Variants in FAT4 observed in about 807,000 individuals in gnomAD.
FAT4 encodes the protein protocadherin Fat 4.
In FAT4, 84 loss-of-function variants were observed where a neutral mutation model predicts 303.9. That is an observed-to-expected ratio of 0.28 (90% CI 0.23 to 0.33). The LOEUF (loss-of-function observed/expected upper bound fraction) is 0.33, where lower values mean the gene tolerates loss of function less well. Among genes scored for constraint, FAT4 ranks in the 10% least tolerant of loss-of-function variants. The pLI is 1.00. For missense variants in FAT4, 6,005 were observed against 6,146.8 expected (o/e 0.98, Z 0.77); for synonymous variants, 2,307 against 2,298.8 (o/e 1.00, Z -0.10).
intron 2 of FAT4, among the ~76,000 whole-genome samples, chr4:125,345,858 C>T (rs891703454): frequency 2.6e-5 from 4 of 151,986 alleles, no homozygotes; most frequent in African/African-American, 9.7e-5. Context: ...CCAAAGAGAA[C>T]GGTATTAGTG....
intron 16 of FAT4, among the ~76,000 whole-genome samples, chr4:125,486,022 T>A (rs1168366563): frequency 6.6e-6 from 1 of 152,182 alleles, no homozygotes. Context: ...TAATGGGAAC[T>A]TATATTCTTA....
intron 8 of FAT4, among the ~76,000 whole-genome samples, chr4:125,441,764 T>C (rs1408852937): frequency 6.6e-6 from 1 of 152,160 alleles, no homozygotes; most frequent in South Asian, 2.1e-4. Flanking sequence ...ACCCCATAAA[T>C]GGCCCCAGCT....
In FAT4 at chr4:125,452,201, C is replaced by A; in HGVS notation, c.11191C>A (p.His3731Asn). ...VPTVKDFLTN[H>N]YLHFLRIASS... Reference sequence around the variant, plus strand: ...AACAGTAAAGGACTTCTTGACCAACCACTATCTTCATTTTTTACGCATTGC... The same window carrying A: ...AACAGTAAAGGACTTCTTGACCAACAACTATCTTCATTTTTTACGCATTGC... The change falls in exon 10 of 18, where the codon CAC becomes AAC. Residue 3731 changes from histidine (H) to asparagine (N), a missense_variant. His to Asn is a moderately conservative substitution (Grantham distance 68). Transcript: ENST00000394329. The A allele has an allele frequency of 6.2e-7, 1 of 1,614,216 alleles. No homozygotes were observed. Among genetic ancestry groups the A allele is most frequent in the African/African-American group, 1.3e-5 (1 of 75,070 alleles).
At chr4:125,489,869 G>GT in intron 17 of FAT4, 32 bp from the exon 18 acceptor site, 2 of 224,584 alleles carry the variant, frequency 8.9e-6, no homozygotes, top group Non-Finnish European at 6.2e-6. Context: ...TTTTTTTTTT[G>GT]TAAAAAGCCT....
At chr4:125,337,680 T>C (rs372738920) in intron 2 of FAT4, among the ~76,000 whole-genome samples, 4 of 152,078 alleles carry the variant, frequency 2.6e-5, no homozygotes, top group African/African-American at 9.7e-5. Flanking sequence ...TATAATTATA[T>C]GGAGGTTGCT....
chr4:125,316,311 T>C lies in FAT4; in HGVS notation c.-12-89T>C, dbSNP rs544718440. ...ATAGCAGAGGTCTCAGACCAAGCCG[T>C]CAGCTGAATCTTTGCTGGCGCTCCT... On this transcript the variant is annotated intron_variant, in intron 1 of 17. Transcript: ENST00000394329. This position sits in a 1 kb window ranked among gnomAD's most constrained non-coding sequence, Gnocchi z 5.7. The C allele has an allele frequency of 1.9e-5, 28 of 1,458,398 alleles. No individual in the cohort carries two copies. Among genetic ancestry groups the C allele is most frequent in the Admixed American group, 2.3e-5 (1 of 44,424 alleles). The allele number at this position is 1,458,398 out of a possible 1,614,324, so 90.3% of individuals were successfully genotyped here.
intron 11 of FAT4, among the ~76,000 whole-genome samples, chr4:125,464,165 C>T (rs1393587396): frequency 6.6e-6 from 1 of 152,030 alleles, no homozygotes; most frequent in Non-Finnish European, 1.5e-5. Flanking sequence ...CTATACCTGA[C>T]GTTTTCATAA....
At chr4:125,385,950 A>G (rs747195616) in intron 2 of FAT4, among the ~76,000 whole-genome samples, 12 of 152,192 alleles carry the variant, frequency 7.9e-5, no homozygotes, top group Non-Finnish European at 1.5e-4. Flanking sequence ...ATCTTATTAA[A>G]GAAAATTTAT....
At chr4:125,361,536 TC>T (rs1341236167) in intron 2 of FAT4, among the ~76,000 whole-genome samples, 3 of 152,126 alleles carry the variant, frequency 2.0e-5, no homozygotes, top group Non-Finnish European at 4.4e-5. Context: ...TCATTCAAAC[TC>T]TGCAACCTTG....
chr4:125,383,883 G>T (rs77563207), intron 2 of FAT4, among the ~76,000 whole-genome samples: 9,697 of 152,108 alleles, frequency 0.064, 306 homozygotes, highest in Middle Eastern at 0.088. Context: ...TTTTTATTAA[G>T]CAAAATGTGA....
Position 125,319,396 on chromosome 4 carries a change from G to A in FAT4, c.2985G>A (p.Val995=), listed in dbSNP as rs201226727. ...YVHDVNDNSP[V]FDQLSYEVTL... is the part of the protein sequence containing the mutation. ...ATGATGTAAATGACAATTCACCAGT[G>A]TTTGACCAACTCTCTTATGAAGTCA... Residue 995 remains valine, a synonymous_variant, in exon 2 of 18, where the codon GTG becomes GTA. Coordinates refer to ENST00000394329, the MANE Select transcript of FAT4 (RefSeq NM_001291303.3). 121 of 1,613,228 alleles carry A rather than the reference G, an allele frequency of 7.5e-5. No homozygotes were observed. Among genetic ancestry groups the A allele is most frequent in the Non-Finnish European group, 8.3e-5 (98 of 1,179,840 alleles).
At chr4:125,339,517 A>C (rs562819539) in intron 2 of FAT4, among the ~76,000 whole-genome samples, 23 of 152,284 alleles carry the variant, frequency 1.5e-4, no homozygotes, top group African/African-American at 5.5e-4. Flanking sequence ...TTCTATGGTA[A>C]TAGTTATTAA....
intron 12 of FAT4, among the ~76,000 whole-genome samples, chr4:125,474,400 A>G (rs940509849): frequency 6.6e-6 from 1 of 151,968 alleles, no homozygotes; most frequent in Non-Finnish European, 1.5e-5. Context: ...TTGAGATTGG[A>G]TGTCACCGCA....
rs567766437 is a variant in FAT4, at chr4:125,492,034, T to C, written c.*266T>C. On this transcript the variant is annotated 3_prime_UTR_variant, in exon 18 of 18. Transcript: ENST00000394329. Reference sequence around the variant, plus strand: ...CATGCAGCATTTGGAAAATTTTTCTTATTTACCAGTGTTTGATTTGTGATT... The same window carrying C: ...CATGCAGCATTTGGAAAATTTTTCTCATTTACCAGTGTTTGATTTGTGATT... The C allele has an allele frequency of 2.6e-6, 1 of 391,458 alleles. No homozygotes were observed. The highest frequency in any genetic ancestry group is 4.2e-5 in the Admixed American group (1 of 23,766). 24.2% of individuals were successfully genotyped at this position (391,458 alleles called of 1,614,324 possible). A position where few individuals can be genotyped will look rare whatever the true frequency, so the allele number is the denominator to read the frequency against.
Position 125,443,654 on chromosome 4 carries a change from A to G in FAT4, c.7200-2639A>G, listed in dbSNP as rs187730656. Among the ~76,000 whole-genome samples the G allele has an allele frequency of 4.6e-5, 7 of 152,318 alleles. No homozygotes were observed. In the East Asian group the frequency reaches 1.2e-3, roughly 25 times the overall value. Reference sequence around the variant, plus strand: ...TATAAATTGCCCAGTAGTGTGCTTGACATGCACTAAGAAATCAATAAGCTC... The same window carrying G: ...TATAAATTGCCCAGTAGTGTGCTTGGCATGCACTAAGAAATCAATAAGCTC... On this transcript the variant is annotated intron_variant, in intron 8 of 17. Coordinates refer to ENST00000394329, the MANE Select transcript of FAT4 (RefSeq NM_001291303.3).
At chr4:125,336,867 G>A (rs1731597358) in intron 2 of FAT4, among the ~76,000 whole-genome samples, 1 of 151,864 alleles carries the variant, frequency 6.6e-6, no homozygotes, top group South Asian at 2.1e-4. Context: ...GTGATAGGCG[G>A]GAACTCATTG....
chr4:125,463,919 C>G (rs1722896652), intron 11 of FAT4, among the ~76,000 whole-genome samples: 1 of 151,896 alleles, frequency 6.6e-6, no homozygotes, highest in African/African-American at 2.4e-5. Flanking sequence ...AGGATATTTC[C>G]CCCCAAAGAT....
chr4:125,440,382 A>G (rs959566071), intron 8 of FAT4, among the ~76,000 whole-genome samples: 5 of 151,638 alleles, frequency 3.3e-5, no homozygotes, highest in African/African-American at 1.2e-4. Flanking sequence ...CTAAGTCCTT[A>G]TTCTCCTTTA....
Position 125,450,730 on chromosome 4 carries a change from T to C in FAT4, c.9720T>C (p.Ser3240=), listed in dbSNP as rs756815132. ...CGTATACTGTACAGTCATCTGACAGTGACCTCTTTGTCATTGACCCTAACA... is the reference window on the plus strand; with the variant it reads ...CGTATACTGTACAGTCATCTGACAGCGACCTCTTTGTCATTGACCCTAACA... ...VIAYTVQSSD[S]DLFVIDPNTG... is the part of the protein sequence containing the mutation. The change falls in exon 10 of 18, where the codon AGT becomes AGC. Residue 3240 remains serine (S), a synonymous_variant. Transcript: ENST00000394329. The C allele has an allele frequency of 6.2e-7, 1 of 1,614,140 alleles. No individual in the cohort carries two copies. The highest frequency in any genetic ancestry group is 8.5e-7 in the Non-Finnish European group (1 of 1,180,014).
Sources: gnomAD v4.1 joint callset for allele counts (sites outside exome capture counted in the v4.1 genomes callset) on GRCh38, gnomAD v4.1.1 for gene constraint, Gnocchi (gnomAD v3.1) non-coding constraint, MANE v1.5 for transcripts, NCBI Gene and HGNC (gene_info 2026-07-23, HGNC 2026-07-21) for gene names.